Variants in CYRIB observed in about 807,000 individuals in gnomAD.
The protein encoded by CYRIB is CYFIP related Rac1 interactor B.
A neutral mutation model predicts 44.2 loss-of-function variants in CYRIB; 8 were observed. That is an observed-to-expected ratio of 0.18 (90% CI 0.11 to 0.33). The LOEUF (loss-of-function observed/expected upper bound fraction) is 0.33, where lower values mean the gene tolerates loss of function less well. Ranked by LOEUF, CYRIB falls within the 10% of genes least tolerant of loss-of-function variation. CYRIB has a pLI of 1.00. For missense variants in CYRIB, 185 were observed against 382.8 expected, an observed-to-expected ratio of 0.48 and a Z score of 4.31; for synonymous variants, 131 against 127.2, an observed-to-expected ratio of 1.03 and a Z score of -0.20.
At chr8:129,970,014 A>C (rs541748265) in intron 2 of CYRIB, among the ~76,000 whole-genome samples, 2 of 152,166 alleles carry the variant, frequency 1.3e-5, no homozygotes, top group African/African-American at 4.8e-5. Context: ...AATAGTGCTT[A>C]TCTCTGGGGC....
chr8:129,938,844 A>T (rs1299065572), intron 1 of CYRIB, among the ~76,000 whole-genome samples: 1 of 152,200 alleles, frequency 6.6e-6, no homozygotes, highest in East Asian at 1.9e-4. Flanking sequence ...ATGACCCAGA[A>T]TAGCCATGAG....
exon 6 of CYRIB, chr8:129,855,619 C>G: frequency 6.2e-7 from 1 of 1,613,940 alleles, no homozygotes; most frequent in Non-Finnish European, 8.5e-7. Flanking sequence ...ACCTTGAGTT[C>G]ATCAAACCGG....
chr8:129,956,902 G>C (rs1463503667), intron 2 of CYRIB, among the ~76,000 whole-genome samples: 1 of 133,012 alleles, frequency 7.5e-6, no homozygotes, highest in Non-Finnish European at 1.5e-5. Context: ...GCAGTAGCAT[G>C]ACCATGGTTC....
intron 1 of CYRIB, chr8:130,004,528 AC>A (rs1398864494): frequency 6.6e-6 from 1 of 152,168 alleles, no homozygotes; most frequent in African/African-American, 2.4e-5. Flanking sequence ...ATTTGTTTCT[AC>A]AGGTTTTTTT....
At chr8:129,967,048 A>G (rs916217747) in intron 2 of CYRIB, among the ~76,000 whole-genome samples, 2 of 152,194 alleles carry the variant, frequency 1.3e-5, no homozygotes, top group African/African-American at 4.8e-5. Flanking sequence ...AAATTAGTGC[A>G]GTGGCCCATA....
intron 2 of CYRIB, among the ~76,000 whole-genome samples, chr8:129,898,381 T>A (rs1031156617): frequency 3.3e-5 from 5 of 152,196 alleles, no homozygotes; most frequent in African/African-American, 1.2e-4. Flanking sequence ...AAAAAACTTT[T>A]TTAAGAAAAG....
chr8:129,952,851 T>C (rs1402196660), intron 2 of CYRIB, among the ~76,000 whole-genome samples: 1 of 152,202 alleles, frequency 6.6e-6, no homozygotes, highest in Non-Finnish European at 1.5e-5. Flanking sequence ...CTAATATCTA[T>C]TAAACTACTC....
chr8:129,877,663 GGTGTGTGTGTGTGTGTGT>G (rs5895011), intron 3 of CYRIB, among the ~76,000 whole-genome samples: 1 of 130,684 alleles, frequency 7.7e-6, no homozygotes, highest in Non-Finnish European at 1.6e-5. Flanking sequence ...AAAAAAAAAA[GGTGTGTGTGTGTGTGTGT>G]GTGTGTGTGT....
rs1212137804 is a variant in CYRIB at position 129,884,524 on chromosome 8, G to A, written c.-10-5053C>T. On this transcript the variant is annotated intron_variant, in intron 2 of 11. Coordinates refer to ENST00000519824, the Ensembl canonical transcript of CYRIB. ...GCTGGTCTCAAACTCCCAACCGCAG[G>A]TGACCTACCCGCCTCAGCCTCCCAA... 2.0e-5 allele frequency among the ~76,000 whole-genome samples: 3 copies of A among 152,124 alleles called. No individual in the cohort carries two copies. In the East Asian group the frequency reaches 5.8e-4, roughly 29 times the overall value.
intron 1 of CYRIB, among the ~76,000 whole-genome samples, chr8:129,991,821 C>T (rs1038973340): frequency 4.0e-5 from 6 of 151,538 alleles, no homozygotes; most frequent in African/African-American, 9.7e-5. Flanking sequence ...TGTGGTGGCA[C>T]GCACCTTTAG....
chr8:129,914,557 T>C (rs375542971), intron 1 of CYRIB, among the ~76,000 whole-genome samples: 5 of 152,212 alleles, frequency 3.3e-5, no homozygotes, highest in African/African-American at 9.6e-5. Flanking sequence ...CTCCACACTG[T>C]ACAACAGGGA....
intron 1 of CYRIB, among the ~76,000 whole-genome samples, chr8:129,932,134 G>GA (rs2091669115): frequency 6.6e-6 from 1 of 151,846 alleles, no homozygotes; most frequent in South Asian, 2.1e-4. Flanking sequence ...GAGTAGCTGG[G>GA]ATTACAGGTG....
chr8:129,894,225 A>G (rs1308719932), intron 2 of CYRIB, among the ~76,000 whole-genome samples: 15 of 152,236 alleles, frequency 9.9e-5, no homozygotes, highest in Admixed American at 9.8e-4. Flanking sequence ...ACTTTAATAC[A>G]TGGTGCTAAA....
At chr8:129,900,337 G>A (rs184283782) in intron 2 of CYRIB, among the ~76,000 whole-genome samples, 58 of 152,240 alleles carry the variant, frequency 3.8e-4, no homozygotes, top group Non-Finnish European at 7.1e-4. Flanking sequence ...CGAAAGTCAC[G>A]TTCCCAACTA....
chr8:130,001,562 T>C (rs1360924171), intron 1 of CYRIB, among the ~76,000 whole-genome samples: 2 of 135,486 alleles, frequency 1.5e-5, no homozygotes, highest in Non-Finnish European at 3.1e-5. Flanking sequence ...TGAGTCTCAC[T>C]CTGTCACCCA....
intron 2 of CYRIB, among the ~76,000 whole-genome samples, chr8:129,961,403 C>T (rs2095252440): frequency 6.6e-6 from 1 of 152,172 alleles, no homozygotes; most frequent in Non-Finnish European, 1.5e-5. Flanking sequence ...GCCTCCCATA[C>T]CTCAATATCC....
At chr8:129,976,330 G>T (rs1409006872) in intron 1 of CYRIB, among the ~76,000 whole-genome samples, 3 of 152,162 alleles carry the variant, frequency 2.0e-5, no homozygotes, top group African/African-American at 7.2e-5. Context: ...TAGCAAATAT[G>T]CAATAAACAT....
intron 1 of CYRIB, 36 bp downstream of exon 3, chr8:129,904,463 C>T (rs966036096): frequency 2.6e-5 from 4 of 152,144 alleles, no homozygotes; most frequent in African/African-American, 9.7e-5. Context: ...GATCAAGCCC[C>T]AGTTGCTCAC....
At chr8:130,009,569 A>G (rs1283214808) in intron 1 of CYRIB, among the ~76,000 whole-genome samples, 1 of 151,888 alleles carries the variant, frequency 6.6e-6, no homozygotes, top group Non-Finnish European at 1.5e-5. Context: ...CGCCCGGCCC[A>G]AAAGCATCAT....
Sources: gnomAD v4.1 joint callset for allele counts (sites outside exome capture counted in the v4.1 genomes callset) on GRCh38, gnomAD v4.1.1 for gene constraint, MANE v1.5 for transcripts, NCBI Gene and HGNC (gene_info 2026-07-23, HGNC 2026-07-21) for gene names.